ATP10A: variants seen among roughly 807,000 people sequenced by gnomAD.
ATP10A encodes ATPase phospholipid transporting 10A (putative).
In ATP10A, 111 loss-of-function variants were observed where a neutral mutation model predicts 147.8. The ratio of observed to expected loss-of-function variants is 0.75; its 90% CI spans 0.64 to 0.88. The LOEUF (loss-of-function observed/expected upper bound fraction) is 0.88. ATP10A is among the 40% of genes least tolerant of loss of function. The pLI, the probability that ATP10A is intolerant of heterozygous loss-of-function variation, is 0.00. For missense variants in ATP10A, 1,927 were observed against 1,959.0 expected (o/e 0.98, Z 0.31); for synonymous variants, 875 against 841.6 (o/e 1.04, Z -0.69).
intron 1 of ATP10A, among the ~76,000 whole-genome samples, chr15:25,860,890 T>C (rs950126174): frequency 6.6e-6 from 1 of 152,224 alleles, no homozygotes. Context: ...GGCATAAGTA[T>C]TTCTAAAAAG....
At chr15:25,855,737 G>C (rs1893489890) in intron 1 of ATP10A, among the ~76,000 whole-genome samples, 1 of 152,142 alleles carries the variant, frequency 6.6e-6, no homozygotes, top group Non-Finnish European at 1.5e-5. Flanking sequence ...AAGGTATCAA[G>C]TTGAAAGGGA....
rs558665082 is a variant in ATP10A at position 25,830,185 on chromosome 15, G to A, written c.449+32463C>T. ...CCGCTGCCAGCACAGGCACCTGGGG[G>A]TAAATGCAGGAGAGGGGGTGCAGCC... is the stretch of plus-strand genomic sequence containing the variant. On this transcript the variant is annotated intron_variant, in intron 1 of 20. Coordinates refer to ENST00000555815, the MANE Select transcript of ATP10A (RefSeq NM_024490.4). Among the ~76,000 whole-genome samples, 9 of 152,250 alleles carry A rather than the reference G, an allele frequency of 5.9e-5. No homozygotes were observed. In the East Asian group the frequency reaches 1.7e-3, roughly 30 times the overall value.
At chr15:25,702,163 G>T in intron 12 of ATP10A, 63 bp from the exon 13 acceptor site, 1 of 1,511,298 alleles carries the variant, frequency 6.6e-7, no homozygotes, top group South Asian at 1.3e-5. Context: ...TCCTTCTGGG[G>T]TGCAAATGTC....
At chr15:25,687,561 G>A in intron 16 of ATP10A, 142 bp downstream of exon 16, 1 of 899,944 alleles carries the variant, frequency 1.1e-6, no homozygotes, top group East Asian at 2.5e-5. Flanking sequence ...CCAGGACAGG[G>A]GACAATTACA....
At chr15:25,841,679 G>A (rs954057266) in intron 1 of ATP10A, 2 of 151,484 alleles carry the variant, frequency 1.3e-5, no homozygotes, top group African/African-American at 2.4e-5. Flanking sequence ...TTCATTTTCC[G>A]ATCCATGAAC....
At chr15:25,846,232 C>G (rs1368295927) in intron 1 of ATP10A, among the ~76,000 whole-genome samples, 1 of 152,060 alleles carries the variant, frequency 6.6e-6, no homozygotes, top group Admixed American at 6.5e-5. Context: ...AGGAGGGCGG[C>G]GGTGATGCTC....
intron 7 of ATP10A, 86 bp from the exon 8 acceptor site, chr15:25,718,485 C>T (rs2291352): frequency 0.49 from 684,098 of 1,400,256 alleles, 169,875 homozygotes; most frequent in East Asian, 0.77. Context: ...TTAGGTTCCG[C>T]GAGGCTTCCG....
At position 25,822,558 on chromosome 15, in the gene ATP10A, G is replaced by A. The variant is rs576741558; in HGVS notation, c.449+40090C>T. 2.6e-5 allele frequency among the ~76,000 whole-genome samples: 4 copies of A among 152,214 alleles called. No individual in the cohort carries two copies. In the South Asian group the frequency reaches 8.3e-4, roughly 32 times the overall value. On this transcript the variant is annotated intron_variant, in intron 1 of 20. Transcript: ENST00000555815. ...CAAGTAATACTCCCAGTTTACAGAGGAGCACAAGGCCTAAGTGTCGCACCC... is the reference window on the plus strand; with the variant it reads ...CAAGTAATACTCCCAGTTTACAGAGAAGCACAAGGCCTAAGTGTCGCACCC...
chr15:25,804,414 T>C (rs1891085825), intron 1 of ATP10A, among the ~76,000 whole-genome samples: 1 of 150,324 alleles, frequency 6.7e-6, no homozygotes, highest in Admixed American at 6.6e-5. Context: ...GGGGTGTGTG[T>C]GCATCTGCGT....
chr15:25,777,168 G>C (rs1222854721), intron 2 of ATP10A, among the ~76,000 whole-genome samples: 2 of 151,538 alleles, frequency 1.3e-5, no homozygotes, highest in Non-Finnish European at 2.9e-5. Context: ...GGCTTGGCCT[G>C]CTCCACACTT....
intron 7 of ATP10A, 104 bp downstream of exon 7, chr15:25,721,553 T>C: frequency 1.3e-5 from 13 of 988,588 alleles, no homozygotes; most frequent in Admixed American, 2.2e-5. Context: ...CGTGTGTGTG[T>C]GTGTGTGTGT....
At position 25,753,181 on chromosome 15, in the gene ATP10A, C is replaced by A. The variant is rs367967399; in HGVS notation, c.655-17040G>T. ...ATTCAGCACACTGTACAACAGAACT[C>A]AAAAAATATGTATTTATTCCTCCTG... On this transcript the variant is annotated intron_variant, in intron 2 of 20. Coordinates refer to ENST00000555815, the MANE Select transcript of ATP10A (RefSeq NM_024490.4). 5.3e-5 allele frequency among the ~76,000 whole-genome samples: 8 copies of A among 152,126 alleles called. 1 individual carries two copies. The highest frequency in any genetic ancestry group is 1.9e-4 in the African/African-American group (8 of 41,528).
intron 15 of ATP10A, among the ~76,000 whole-genome samples, chr15:25,691,307 C>T (rs1900020931): frequency 6.6e-6 from 1 of 152,126 alleles, no homozygotes; most frequent in South Asian, 2.1e-4. Context: ...GGCTACATTC[C>T]ACCTGTACAG....
intron 1 of ATP10A, among the ~76,000 whole-genome samples, chr15:25,807,534 G>A (rs1232897575): frequency 6.6e-6 from 1 of 152,246 alleles, no homozygotes; most frequent in African/African-American, 2.4e-5. Context: ...TGGGTGTGGT[G>A]GCTCACACCT....
chr15:25,821,653 C>CTA (rs1365240159), intron 1 of ATP10A, among the ~76,000 whole-genome samples: 1 of 152,174 alleles, frequency 6.6e-6, no homozygotes, highest in Non-Finnish European at 1.5e-5. Flanking sequence ...CTACAAGGAT[C>CTA]TATGCCCAGG....
Position 25,726,007 on chromosome 15 carries a change from C to T in ATP10A, c.923G>A (p.Cys308Tyr). 2 of 1,614,152 alleles carry T rather than the reference C, an allele frequency of 1.2e-6. No homozygotes were observed. Among genetic ancestry groups the T allele is most frequent in the Non-Finnish European group, 1.7e-6 (2 of 1,180,012 alleles). The change falls in exon 5 of 21, where the codon TGC (cysteine) becomes TAC (tyrosine). Residue 308 changes from cysteine to tyrosine, a missense_variant. By Grantham distance (194) the Cys-to-Tyr change is radical. Coordinates refer to ENST00000555815, the MANE Select transcript of ATP10A (RefSeq NM_024490.4). ...GAGCAGGACACACCAGAGCACGTCG[C>T]AGTTCATCTGCCTCTCCAGCTTGCT... ...KRSKLERQMN[C>Y]DVLWCVLLLV... is the part of the protein sequence containing the mutation.
At chr15:25,813,086 C>T (rs1202264627) in intron 1 of ATP10A, among the ~76,000 whole-genome samples, 2 of 152,140 alleles carry the variant, frequency 1.3e-5, no homozygotes, top group African/African-American at 2.4e-5. Context: ...AGAAGGAGAG[C>T]TCTAGTTGTC....
intron 1 of ATP10A, among the ~76,000 whole-genome samples, chr15:25,805,206 C>A (rs958071403): frequency 6.6e-6 from 1 of 152,188 alleles, no homozygotes; most frequent in African/African-American, 2.4e-5. Context: ...TTTTGAATGA[C>A]TGGCTGGATC....
In ATP10A at chr15:25,847,966, A is replaced by G. The variant is rs552189860; in HGVS notation, c.449+14682T>C. On this transcript the variant is annotated intron_variant, in intron 1 of 20. Coordinates refer to ENST00000555815, the MANE Select transcript of ATP10A (RefSeq NM_024490.4). The stretch of plus-strand genomic sequence containing the variant: ...TTTTTAACGGAAATCATCTTAATCA[A>G]TATTAACACACAAAAAGCTGTAGTT... Among the ~76,000 whole-genome samples, 18 of 144,590 alleles carry G rather than the reference A, an allele frequency of 1.2e-4. No homozygotes were observed. In the South Asian group the frequency reaches 1.8e-3, roughly 14 times the overall value. 94.9% of individuals were successfully genotyped at this position (144,590 alleles called of 152,430 possible).
Sources: gnomAD v4.1 joint callset for allele counts (sites outside exome capture counted in the v4.1 genomes callset) on GRCh38, gnomAD v4.1.1 for gene constraint, MANE v1.5 for transcripts, NCBI Gene and HGNC (gene_info 2026-07-23, HGNC 2026-07-21) for gene names.